The following CORIN variants were observed in gnomAD, a reference collection of about 807,000 sequenced individuals.
CORIN encodes corin, serine peptidase.
A neutral mutation model predicts 125.3 loss-of-function variants in CORIN; 117 were observed. That is an observed-to-expected ratio of 0.93 (90% CI 0.80 to 1.09). The LOEUF is 1.09. CORIN is among the 50% of genes least tolerant of loss of function. CORIN has a pLI of 0.00. For missense variants in CORIN, 1,253 were observed against 1,306.7 expected, an observed-to-expected ratio of 0.96 and a Z score of 0.63; for synonymous variants, 450 against 466.4, an observed-to-expected ratio of 0.96 and a Z score of 0.45.
chr4:47,798,877 T>A (rs1731407435), intron 2 of CORIN, among the ~76,000 whole-genome samples: 1 of 149,956 alleles, frequency 6.7e-6, no homozygotes, highest in African/African-American at 2.5e-5. Flanking sequence ...TTCCCATCTT[T>A]ATGACCATGA....
At chr4:47,757,878 GTATATATATA>G (rs59621469) in intron 4 of CORIN, among the ~76,000 whole-genome samples, 37 of 123,912 alleles carry the variant, frequency 3.0e-4, no homozygotes, top group Middle Eastern at 3.9e-3. Context: ...ATATATATAT[GTATATATATA>G]TATATATATA....
chr4:47,626,208 A>G (rs1722555762), intron 17 of CORIN, among the ~76,000 whole-genome samples, 197 bp downstream of exon 17: 2 of 152,178 alleles, frequency 1.3e-5, no homozygotes, highest in African/African-American at 4.8e-5. Context: ...TGAATAAAAG[A>G]GAAAAAAAAT....
chr4:47,668,521 C>G (rs991537844), intron 10 of CORIN, among the ~76,000 whole-genome samples: 1 of 152,196 alleles, frequency 6.6e-6, no homozygotes, highest in Non-Finnish European at 1.5e-5. Flanking sequence ...AGCTCTAACT[C>G]TATGCTTTTT....
chr4:47,796,311 A>G (rs998546129), intron 2 of CORIN, among the ~76,000 whole-genome samples: 17 of 152,102 alleles, frequency 1.1e-4, no homozygotes, highest in African/African-American at 4.1e-4. Flanking sequence ...TTGTGGCAAC[A>G]TGGATGAACC....
intron 1 of CORIN, among the ~76,000 whole-genome samples, chr4:47,835,376 C>T (rs1281269280): frequency 6.6e-6 from 1 of 152,188 alleles, no homozygotes; most frequent in Non-Finnish European, 1.5e-5. Context: ...CTCAGATACG[C>T]TCAGCAACAA....
chr4:47,824,247 C>A, intron 1 of CORIN, among the ~76,000 whole-genome samples: 1 of 145,366 alleles, frequency 6.9e-6, no homozygotes, highest in African/African-American at 2.6e-5. Context: ...GTTTCTTATT[C>A]AAAGAGCATT....
chr4:47,686,727 C>G (rs538306260), intron 6 of CORIN, among the ~76,000 whole-genome samples: 32 of 152,320 alleles, frequency 2.1e-4, no homozygotes, highest in African/African-American at 7.7e-4. Flanking sequence ...AATAAGGCTT[C>G]TCAACTTGAC....
rs185590955 is a variant in CORIN at position 47,822,903 on chromosome 4, C to A, written c.63+14984G>T. ...CGATATCGGCTCACTGCAACCTCCA[C>A]CTCCCGGGTTCAAGCGATTCTCCTG... is the stretch of plus-strand genomic sequence containing the variant. On this transcript the variant is annotated intron_variant, in intron 1 of 21. Transcript: ENST00000273857. Among the ~76,000 whole-genome samples the A allele has an allele frequency of 2.6e-4, 39 of 152,006 alleles. 2 individuals are homozygous for A. In the East Asian group the frequency reaches 4.8e-3, roughly 19 times the overall value.
At chr4:47,666,443 G>A (rs925000529) in intron 10 of CORIN, among the ~76,000 whole-genome samples, 2 of 152,202 alleles carry the variant, frequency 1.3e-5, no homozygotes, top group African/African-American at 4.8e-5. Context: ...CTGCCACTGA[G>A]GAACTCCACA....
intron 13 of CORIN, among the ~76,000 whole-genome samples, chr4:47,647,267 T>A (rs12644185): frequency 0.1 from 15,163 of 152,154 alleles, 1,252 homozygotes; most frequent in East Asian, 0.47. Flanking sequence ...GCAAAAGACA[T>A]CAAGAAAGAG....
At position 47,663,747 on chromosome 4, in the gene CORIN, C is replaced by T. The variant is rs1724350809; in HGVS notation, c.1589+1285G>A. Among the ~76,000 whole-genome samples, 2 of 152,156 alleles carry T rather than the reference C, an allele frequency of 1.3e-5. 1 individual carries two copies. Among genetic ancestry groups the T allele is most frequent in the South Asian group, 4.1e-4 (2 of 4,836 alleles). ...AAAAGAAATTATTCACTATCACTGA[C>T]CTTGCTTTGCAAAAGTGAAGTAAGA... On this transcript the variant is annotated intron_variant, in intron 11 of 21. Transcript: ENST00000273857.
At chr4:47,740,076 A>AT (rs1209220540) in intron 5 of CORIN, among the ~76,000 whole-genome samples, 2 of 151,990 alleles carry the variant, frequency 1.3e-5, no homozygotes, top group Non-Finnish European at 2.9e-5. Context: ...TTATAATTAC[A>AT]TTAAGTGTAA....
chr4:47,757,891 T>TATATAC (rs1169937101), intron 4 of CORIN, among the ~76,000 whole-genome samples: 1 of 144,656 alleles, frequency 6.9e-6, no homozygotes, highest in Non-Finnish European at 1.5e-5. Flanking sequence ...TATATATATA[T>TATATAC]ATATATATAT....
intron 10 of CORIN, among the ~76,000 whole-genome samples, chr4:47,672,074 A>C (rs1724788145): frequency 6.6e-6 from 1 of 152,222 alleles, no homozygotes; most frequent in South Asian, 2.1e-4. Flanking sequence ...GTATTTAAAG[A>C]GCTTAAAGAG....
At position 47,791,118 on chromosome 4, in the gene CORIN, G is replaced by A. The variant is rs143822178; in HGVS notation, c.209-4193C>T. Among the ~76,000 whole-genome samples, 1,269 of 152,188 alleles carry A rather than the reference G, an allele frequency of 8.3e-3. 22 individuals are homozygous for A. Among genetic ancestry groups the A allele is most frequent in the African/African-American group, 0.029 (1,195 of 41,500 alleles). ...TAAAAGGGATGTTGCAGATGTGATT[G>A]AAGTAAAAATTTTGAGATGAAGAGA... On this transcript the variant is annotated intron_variant, in intron 2 of 21. Coordinates refer to ENST00000273857, the MANE Select transcript of CORIN (RefSeq NM_006587.4).
intron 12 of CORIN, among the ~76,000 whole-genome samples, chr4:47,658,862 T>G (rs1724113656): frequency 1.3e-5 from 2 of 152,258 alleles, no homozygotes; most frequent in African/African-American, 4.8e-5. Flanking sequence ...TTTTCCACAC[T>G]TTTATGCTCT....
At chr4:47,728,601 G>T (rs560711163) in intron 5 of CORIN, among the ~76,000 whole-genome samples, 1 of 152,268 alleles carries the variant, frequency 6.6e-6, no homozygotes, top group East Asian at 1.9e-4. Flanking sequence ...TAGACTCAGG[G>T]ATGTGCACTT....
chr4:47,665,145 A>C lies in CORIN; in HGVS notation c.1476T>G (p.Ser492=). The part of the protein sequence containing the change: ...QKEASISWES[S]LFPALVQTNC... ...TGGTTTGAACAAGTGCAGGGAAAAGAGAAGACTCCCAGCTGATGGATGCTT... is the reference window on the plus strand; with the variant it reads ...TGGTTTGAACAAGTGCAGGGAAAAGCGAAGACTCCCAGCTGATGGATGCTT... The change falls in exon 11 of 22, where the codon TCT becomes TCG. Residue 492 remains serine (S), a synonymous_variant. Transcript: ENST00000273857. 1 of 1,613,886 alleles carries C rather than the reference A, an allele frequency of 6.2e-7. No homozygotes were observed. Among genetic ancestry groups the C allele is most frequent in the Non-Finnish European group, 8.5e-7 (1 of 1,179,764 alleles).
intron 19 of CORIN, among the ~76,000 whole-genome samples, chr4:47,608,983 T>C (rs1449660401): frequency 2.0e-5 from 3 of 149,030 alleles, no homozygotes; most frequent in Non-Finnish European, 1.5e-5. Context: ...TGACTTTGCT[T>C]AGAATATCTT....
Sources: gnomAD v4.1 joint callset for allele counts (sites outside exome capture counted in the v4.1 genomes callset) on GRCh38, gnomAD v4.1.1 for gene constraint, MANE v1.5 for transcripts, NCBI Gene and HGNC (gene_info 2026-07-23, HGNC 2026-07-21) for gene names.